MEGF10: variants seen among roughly 807,000 people sequenced by gnomAD.
The protein encoded by MEGF10 is multiple epidermal growth factor-like domains protein 10.
MEGF10 carries 86 observed loss-of-function variants against 147.5 expected under a neutral mutation model. The ratio of observed to expected loss-of-function variants is 0.58; its 90% CI spans 0.49 to 0.70. The LOEUF (loss-of-function observed/expected upper bound fraction) is 0.70, where lower values mean the gene tolerates loss of function less well. Ranked by LOEUF, MEGF10 falls within the 30% of genes least tolerant of loss-of-function variation. The probability of loss-of-function intolerance (pLI) is 0.00; values close to 1 mark genes in which losing one functional copy is unlikely to be tolerated. For synonymous variants in MEGF10, 478 were observed against 525.5 expected, an observed-to-expected ratio of 0.91 and a Z score of 1.24; for missense variants, 1,329 against 1,487.3, an observed-to-expected ratio of 0.89 and a Z score of 1.75.
chr5:127,362,073 A>G (rs538738477), intron 4 of MEGF10, among the ~76,000 whole-genome samples: 1 of 151,632 alleles, frequency 6.6e-6, no homozygotes, highest in Non-Finnish European at 1.5e-5. Context: ...ATCTTTTCTT[A>G]TTTTCTTTTT....
the MEGF10 span, among the ~76,000 whole-genome samples, chr5:127,271,574 C>T: frequency 1.3e-5 from 2 of 151,970 alleles, no homozygotes; most frequent in Non-Finnish European, 2.9e-5. Flanking sequence ...ATTGTAGTTC[C>T]CATAATCCCC....
intron 4 of MEGF10, among the ~76,000 whole-genome samples, chr5:127,361,591 T>A (rs1158990093): frequency 6.6e-6 from 1 of 152,122 alleles, no homozygotes; most frequent in Non-Finnish European, 1.5e-5. Context: ...GATCTTTGTT[T>A]TCTAGTTTCT....
chr5:127,381,736 T>A (rs775635897), intron 5 of MEGF10, among the ~76,000 whole-genome samples: 4 of 152,224 alleles, frequency 2.6e-5, no homozygotes, highest in Non-Finnish European at 5.9e-5. Context: ...AGTGGCGTGA[T>A]CTCAACTGAC....
At chr5:127,288,982 T>C (rs1759117241), upstream of MEGF10, among the ~76,000 whole-genome samples, 1 of 152,146 alleles carries the variant, frequency 6.6e-6, no homozygotes, top group Non-Finnish European at 1.5e-5. Flanking sequence ...CAAAGGAATA[T>C]GTAAGTGATT....
chr5:127,445,999 G>C (rs1230433181), intron 20 of MEGF10, among the ~76,000 whole-genome samples: 1 of 152,168 alleles, frequency 6.6e-6, no homozygotes, highest in African/African-American at 2.4e-5. Context: ...ATATGTGAGG[G>C]GGGTGAGGAG....
At chr5:127,264,025 C>T in the MEGF10 span, among the ~76,000 whole-genome samples, 3 of 152,100 alleles carry the variant, frequency 2.0e-5, no homozygotes, top group South Asian at 2.1e-4. Context: ...ATATTCCTCA[C>T]CAAACTGATT....
At chr5:127,238,630 G>T in the MEGF10 span, among the ~76,000 whole-genome samples, 1 of 152,172 alleles carries the variant, frequency 6.6e-6, no homozygotes, top group Non-Finnish European at 1.5e-5. Flanking sequence ...TCTGGCTCCT[G>T]AGGTGATGTG....
At chr5:127,376,019 C>T (rs1763013044) in intron 5 of MEGF10, among the ~76,000 whole-genome samples, 1 of 152,122 alleles carries the variant, frequency 6.6e-6, no homozygotes, top group Non-Finnish European at 1.5e-5. Context: ...AAGAGAACTG[C>T]CTCTGTAGAA....
chr5:127,309,673 G>A (rs1359529619), intron 1 of MEGF10, among the ~76,000 whole-genome samples: 1 of 152,136 alleles, frequency 6.6e-6, no homozygotes, highest in African/African-American at 2.4e-5. Flanking sequence ...ACCACATTGT[G>A]TTTATCCATT....
At chr5:127,385,493 A>T (rs184988362) in intron 5 of MEGF10, among the ~76,000 whole-genome samples, 438 of 152,216 alleles carry the variant, frequency 2.9e-3, no homozygotes, top group African/African-American at 0.01. Context: ...GGCTGGTCTC[A>T]TACTCCTGAC....
At chr5:127,447,302 A>C (rs540162620) in intron 20 of MEGF10, among the ~76,000 whole-genome samples, 1 of 151,966 alleles carries the variant, frequency 6.6e-6, no homozygotes, top group Non-Finnish European at 1.5e-5. Context: ...CAGCCTCCCG[A>C]GTAGCTGGGA....
intron 1 of MEGF10, among the ~76,000 whole-genome samples, chr5:127,326,539 A>G (rs919710364): frequency 2.0e-5 from 3 of 152,164 alleles, no homozygotes; most frequent in African/African-American, 7.2e-5. Flanking sequence ...ACCAGCAAGC[A>G]TTACTCATCC....
intron 18 of MEGF10, among the ~76,000 whole-genome samples, chr5:127,442,144 A>G (rs1283740320): frequency 6.6e-6 from 1 of 152,240 alleles, no homozygotes; most frequent in Non-Finnish European, 1.5e-5. Context: ...TTAAGGTCTT[A>G]TTAAATAAGA....
At chr5:127,329,748 AT>A (rs1761179544) in intron 1 of MEGF10, among the ~76,000 whole-genome samples, 1 of 151,856 alleles carries the variant, frequency 6.6e-6, no homozygotes, top group Non-Finnish European at 1.5e-5. Context: ...GTTGGCACTT[AT>A]TTTGTTTGTA....
chr5:127,358,796 G>A (rs1317173534), intron 4 of MEGF10, among the ~76,000 whole-genome samples: 1 of 152,166 alleles, frequency 6.6e-6, no homozygotes, highest in African/African-American at 2.4e-5. Flanking sequence ...AGGAAAACTA[G>A]AGTTTATTCC....
intron 6 of MEGF10, 38 bp downstream of exon 6, chr5:127,396,816 C>T: frequency 1.9e-6 from 3 of 1,586,462 alleles, no homozygotes; most frequent in Non-Finnish European, 2.6e-6. Flanking sequence ...GCAGAGCCCA[C>T]CCACCCTCTC....
chr5:127,315,629 C>A (rs917407291), intron 1 of MEGF10, among the ~76,000 whole-genome samples: 1 of 151,950 alleles, frequency 6.6e-6, no homozygotes, highest in Non-Finnish European at 1.5e-5. Flanking sequence ...CAAAAATTAG[C>A]CAGGTGTGTT....
At chr5:127,362,756 C>T (rs1314927831) in intron 4 of MEGF10, among the ~76,000 whole-genome samples, 1 of 152,028 alleles carries the variant, frequency 6.6e-6, no homozygotes, top group Non-Finnish European at 1.5e-5. Context: ...TAATATCTGT[C>T]TTTTAATTTA....
chr5:127,254,574 G>A, the MEGF10 span, among the ~76,000 whole-genome samples: 5 of 152,000 alleles, frequency 3.3e-5, no homozygotes, highest in Non-Finnish European at 7.4e-5. Context: ...CACTTTGGGA[G>A]GCTGAGGTGG....
Sources: gnomAD v4.1 joint callset for allele counts (sites outside exome capture counted in the v4.1 genomes callset) on GRCh38, gnomAD v4.1.1 for gene constraint, MANE v1.5 for transcripts, NCBI Gene and HGNC (gene_info 2026-07-23, HGNC 2026-07-21) for gene names.